KLHDC8A: variants seen among roughly 807,000 people sequenced by gnomAD.
KLHDC8A encodes the protein kelch domain-containing protein 8A.
In KLHDC8A, 21 loss-of-function variants were observed where a neutral mutation model predicts 33.1. That is an observed-to-expected ratio of 0.64 (90% CI 0.45 to 0.91). The LOEUF (loss-of-function observed/expected upper bound fraction) is 0.91, where lower values mean the gene tolerates loss of function less well. Ranked by LOEUF, KLHDC8A falls within the 40% of genes least tolerant of loss-of-function variation. The pLI, the probability that KLHDC8A is intolerant of heterozygous loss-of-function variation, is 0.00. For missense variants in KLHDC8A, 435 were observed against 483.3 expected (o/e 0.90, Z 0.94); for synonymous variants, 173 against 193.5 (o/e 0.89, Z 0.88).
Position 205,342,239 on chromosome 1 carries a change from T to C in KLHDC8A, c.376+990A>G, listed in dbSNP as rs572470956. Among the ~76,000 whole-genome samples, 5 of 152,336 alleles carry C rather than the reference T, an allele frequency of 3.3e-5. No individual in the cohort carries two copies. In the South Asian group the frequency reaches 1.0e-3, roughly 32 times the overall value. On this transcript the variant is annotated intron_variant, in intron 2 of 5. Coordinates refer to ENST00000367155, the MANE Select transcript of KLHDC8A (RefSeq NM_018203.3). The stretch of plus-strand genomic sequence containing the variant: ...ATGGTAAGGATTCAATGAATGTTAG[T>C]TCTTAATCTTTCAAGACCATTTACT...
chr1:205,350,206 TACC>T (rs1663058906), intron 1 of KLHDC8A, among the ~76,000 whole-genome samples: 1 of 152,184 alleles, frequency 6.6e-6, no homozygotes, highest in Non-Finnish European at 1.5e-5. Flanking sequence ...CCTCTCTTGC[TACC>T]ACCACCCTCC....
chr1:205,351,602 C>CAAA (rs869257465), intron 1 of KLHDC8A: 18,407 of 103,926 alleles, frequency 0.18, 1,194 homozygotes, highest in Admixed American at 0.23. Context: ...CTGTAATAGT[C>CAAA]AAAAAAAAAA....
intron 1 of KLHDC8A, among the ~76,000 whole-genome samples, chr1:205,348,164 T>C (rs1183788331): frequency 1.3e-5 from 2 of 152,050 alleles, no homozygotes; most frequent in Admixed American, 1.3e-4. Flanking sequence ...CTGCGGTACC[T>C]TAGGGGGAAG....
intron 1 of KLHDC8A, among the ~76,000 whole-genome samples, chr1:205,350,156 A>G: frequency 6.6e-6 from 1 of 152,348 alleles, no homozygotes; most frequent in Non-Finnish European, 1.5e-5. Flanking sequence ...CCCCAGGTCC[A>G]GTCACCAGTG....
chr1:205,351,594 G>C, intron 1 of KLHDC8A: 1 of 210,186 alleles, frequency 4.8e-6, no homozygotes, highest in South Asian at 5.4e-5. Flanking sequence ...ATAAACTTCT[G>C]TAATAGTCAA....
intron 2 of KLHDC8A, among the ~76,000 whole-genome samples, chr1:205,341,978 C>T (rs1662805482): frequency 6.6e-6 from 1 of 152,168 alleles, no homozygotes; most frequent in Non-Finnish European, 1.5e-5. Flanking sequence ...AGACTGTAGG[C>T]CGTTGAGAAT....
Position 205,339,673 on chromosome 1 carries a change from A to G in KLHDC8A, c.512T>C (p.Phe171Ser). 3.1e-6 allele frequency: 5 copies of G among 1,614,114 alleles called. No individual in the cohort carries two copies. The highest frequency in any genetic ancestry group is 4.2e-6 in the Non-Finnish European group (5 of 1,180,000). The change falls in exon 3 of 6, where the codon TTC (phenylalanine) becomes TCC (serine). Residue 171 changes from phenylalanine (F) to serine (S), a missense_variant. By Grantham distance (155) the Phe-to-Ser change is radical. Coordinates refer to ENST00000367155, the MANE Select transcript of KLHDC8A (RefSeq NM_018203.3). This position sits in a 1 kb window ranked among gnomAD's most constrained non-coding sequence, Gnocchi z 5.1. ...MPTPRYAATS[F>S]LRGSKIYVLG... ...CACGTAGATCTTGGAGCCTCGGAGG[A>G]AGGAGGTGGCAGCATATCTCGGGGT...
intron 1 of KLHDC8A, chr1:205,344,345 C>T (rs1207263806): frequency 6.6e-6 from 1 of 152,448 alleles, no homozygotes; most frequent in East Asian, 1.9e-4. Flanking sequence ...CGAGCCTGCT[C>T]CGCTCCGTCC....
chr1:205,353,229 T>G (rs927414678), intron 1 of KLHDC8A, among the ~76,000 whole-genome samples: 1 of 152,134 alleles, frequency 6.6e-6, no homozygotes, highest in African/African-American at 2.4e-5. Flanking sequence ...TTTACATTTT[T>G]AAATGATTGG....
At chr1:205,350,825 A>ATGCGTGTGTGTGTGTGCT (rs1253933838) in intron 1 of KLHDC8A, among the ~76,000 whole-genome samples, 3 of 151,558 alleles carry the variant, frequency 2.0e-5, no homozygotes, top group Admixed American at 6.6e-5. Context: ...GTGTGTGTGC[A>ATGCGTGTGTGTGTGTGCT]TGCATGTGTG....
At chr1:205,347,990 C>G (rs556655658) in intron 1 of KLHDC8A, among the ~76,000 whole-genome samples, 5 of 152,322 alleles carry the variant, frequency 3.3e-5, no homozygotes, top group African/African-American at 1.2e-4. Context: ...AAGTCATCTT[C>G]TTGCCTCAGC....
intron 1 of KLHDC8A, among the ~76,000 whole-genome samples, chr1:205,353,239 G>C (rs139394470): frequency 1.3e-5 from 2 of 151,924 alleles, no homozygotes; most frequent in African/African-American, 4.8e-5. Flanking sequence ...TAAATGATTG[G>C]GGAAAAAAAA....
At chr1:205,347,741 C>T (rs1662985647) in intron 1 of KLHDC8A, among the ~76,000 whole-genome samples, 1 of 152,090 alleles carries the variant, frequency 6.6e-6, no homozygotes, top group Non-Finnish European at 1.5e-5. Context: ...TTCATTTTTC[C>T]CCTTCATTAC....
At chr1:205,343,846 C>A in intron 1 of KLHDC8A, 53 bp from the exon 2 acceptor site, 1 of 498,682 alleles carries the variant, frequency 2.0e-6, no homozygotes, top group Non-Finnish European at 3.5e-6. Flanking sequence ...CGCCCTCCGG[C>A]GGGCAGCGGA....
chr1:205,351,285 G>GGACAA (rs1362701600), intron 1 of KLHDC8A: 1 of 854,192 alleles, frequency 1.2e-6, no homozygotes, highest in African/African-American at 1.6e-5. Flanking sequence ...AAAAATTTAT[G>GGACAA]GACAAGAAGT....
intron 1 of KLHDC8A, among the ~76,000 whole-genome samples, chr1:205,349,768 C>T (rs1268488920): frequency 6.6e-6 from 1 of 152,178 alleles, no homozygotes; most frequent in Non-Finnish European, 1.5e-5. Context: ...CACGGAGCTG[C>T]CTCCTGTATT....
Position 205,343,590 on chromosome 1 carries a change from G to A in KLHDC8A, c.15C>T (p.Asn5=). 6.2e-7 allele frequency: 1 copy of A among 1,601,798 alleles called. No individual in the cohort carries two copies. Among genetic ancestry groups the A allele is most frequent in the Non-Finnish European group, 8.5e-7 (1 of 1,172,144 alleles). The change falls in exon 2 of 6, where the codon AAC becomes AAT. Residue 5 remains asparagine (N), a synonymous_variant. Coordinates refer to ENST00000367155, the MANE Select transcript of KLHDC8A (RefSeq NM_018203.3). MEVP[N]VKDFQWKRLA... ...GGCGCTTCCACTGGAAGTCCTTGAC[G>A]TTAGGCACCTCCATGGCAGCCTTGG... is the stretch of plus-strand genomic sequence containing the variant.
At chr1:205,355,969 G>A (rs1406372230) in intron 1 of KLHDC8A, among the ~76,000 whole-genome samples, 1 of 152,210 alleles carries the variant, frequency 6.6e-6, no homozygotes, top group East Asian at 1.9e-4. Context: ...GGGCATGTGC[G>A]CAGGTTTGTC....
chr1:205,337,455 C>T lies in KLHDC8A; in HGVS notation c.997G>A (p.Gly333Ser), dbSNP rs1336184466. The change falls in exon 6 of 6, where the codon GGT (glycine) becomes AGT (serine). Residue 333 changes from glycine to serine, a missense_variant. Coordinates refer to ENST00000367155, the MANE Select transcript of KLHDC8A (RefSeq NM_018203.3). ...GCGTCACTCAGACCCTGGTTGACAC[C>T]TCCCACGGCGAGGAGGCAGTTCTTG... Reference protein sequence around the residue: ...VVKNCLLAVGGVNQGLSDAVE... With the variant: ...VVKNCLLAVGSVNQGLSDAVE... 15 of 1,613,970 alleles carry T rather than the reference C, an allele frequency of 9.3e-6. No homozygotes were observed. The highest frequency in any genetic ancestry group is 1.3e-5 in the Non-Finnish European group (15 of 1,180,006).
Sources: gnomAD v4.1 joint callset for allele counts (sites outside exome capture counted in the v4.1 genomes callset) on GRCh38, gnomAD v4.1.1 for gene constraint, Gnocchi (gnomAD v3.1) non-coding constraint, MANE v1.5 for transcripts, NCBI Gene and HGNC (gene_info 2026-07-23, HGNC 2026-07-21) for gene names.